DNAH17: variants seen among roughly 807,000 people sequenced by gnomAD.
DNAH17 encodes the protein dynein axonemal heavy chain 17, also known as axonemal beta dynein heavy chain 17.
A neutral mutation model predicts 485.6 loss-of-function variants in DNAH17; 376 were observed. The observed-to-expected ratio is 0.77, with a 90% CI of 0.71 to 0.84. The LOEUF (loss-of-function observed/expected upper bound fraction) is 0.84. Among genes scored for constraint, DNAH17 ranks in the 40% least tolerant of loss-of-function variants. The pLI is 0.00. For missense variants in DNAH17, 6,370 were observed against 5,839.3 expected (o/e 1.09, Z -2.96); for synonymous variants, 3,031 against 2,405.9 (o/e 1.26, Z -7.60).
chr17:78,544,099 C>T, intron 16 of DNAH17, 102 bp from the exon 17 acceptor site: 1 of 1,525,286 alleles, frequency 6.6e-7, no homozygotes, highest in Admixed American at 1.8e-5. Context: ...TCACTGCTGC[C>T]TGATCTTGGA....
Position 78,569,375 on chromosome 17 carries a change from C to T in DNAH17, c.1197G>A (p.Lys399=). 6.2e-7 allele frequency: 1 copy of T among 1,612,918 alleles called. No homozygotes were observed. The highest frequency in any genetic ancestry group is 8.5e-7 in the Non-Finnish European group (1 of 1,179,412). Residue 399 remains lysine, a splice_region_variant and synonymous_variant, in exon 8 of 81, where the codon AAG becomes AAA. Coordinates refer to ENST00000389840, the MANE Select transcript of DNAH17 (RefSeq NM_173628.4). ...FCCVNMKLFF[K]DKEPVPWEFP... Reference sequence around the variant, plus strand: ...CCCTCGCCCTGCGAGGAAGGGGTACCTTAAAGAAAAGCTTCATGTTCACGC... The same window carrying T: ...CCCTCGCCCTGCGAGGAAGGGGTACTTTAAAGAAAAGCTTCATGTTCACGC...
intron 48 of DNAH17, among the ~76,000 whole-genome samples, chr17:78,482,865 C>A (rs571340528): frequency 3.3e-5 from 5 of 152,304 alleles, no homozygotes; most frequent in African/African-American, 1.2e-4. Flanking sequence ...AACTCCAGGG[C>A]AGATGTGGAC....
chr17:78,522,758 G>A (rs1011337890), intron 25 of DNAH17: 8 of 220,872 alleles, frequency 3.6e-5, no homozygotes, highest in South Asian at 2.5e-4. Flanking sequence ...CAATAATGCC[G>A]AAAAAGTGGT....
In DNAH17 at chr17:78,437,603, A is replaced by G. The variant is rs2289757; in HGVS notation, c.12033+38T>C. ...CAAGGGATGGATGCCAGGCCGTGGC[A>G]TGGGATGGGGAGGCAGCCCGAGCAG... On this transcript the variant is annotated intron_variant, in intron 74 of 80. Transcript: ENST00000389840. 1,111,905 of 1,530,334 alleles carry G rather than the reference A, an allele frequency of 0.73. 409,754 individuals carry two copies. Among genetic ancestry groups the G allele is most frequent in the East Asian group, 0.9 (38,738 of 43,066 alleles). The allele number at this position is 1,530,334 out of a possible 1,614,324, so 94.8% of individuals were successfully genotyped here.
Position 78,459,069 on chromosome 17 carries a change from G to A in DNAH17, c.9793C>T (p.Leu3265=). ...GCCAGCTCTGCATTAGCCTCCTCCA[G>A]TGCCTGCCTCTTGGGCGCCACGTCG... ...YCDVAPKRQA[L]EEANAELAEA... The change falls in exon 61 of 81, where the codon CTG becomes TTG. Residue 3265 remains leucine (L), a synonymous_variant. Coordinates refer to ENST00000389840, the MANE Select transcript of DNAH17 (RefSeq NM_173628.4). 2.5e-6 allele frequency: 4 copies of A among 1,614,022 alleles called. No individual in the cohort carries two copies. The highest frequency in any genetic ancestry group is 3.4e-6 in the Non-Finnish European group (4 of 1,179,902).
At chr17:78,567,347 TC>T (rs2092284255) in intron 9 of DNAH17, among the ~76,000 whole-genome samples, 181 bp from the exon 10 acceptor site, 1 of 151,780 alleles carries the variant, frequency 6.6e-6, no homozygotes, top group Non-Finnish European at 1.5e-5. Flanking sequence ...AAATATTCCA[TC>T]CCCTGCAGAA....
chr17:78,445,950 T>A (rs559182282), intron 69 of DNAH17, among the ~76,000 whole-genome samples: 1 of 129,254 alleles, frequency 7.7e-6, no homozygotes, highest in Non-Finnish European at 1.8e-5. Context: ...AGGGGGTGGA[T>A]CACTTGAGCT....
chr17:78,555,541 C>CATAAA (rs1162901414), intron 14 of DNAH17, among the ~76,000 whole-genome samples: 4 of 7,126 alleles, frequency 5.6e-4, no homozygotes, highest in Non-Finnish European at 1.0e-3. Flanking sequence ...AAGATTCCGT[C>CATAAA]ACAAAAAAAA....
At chr17:78,484,622 G>A (rs1447225243) in intron 48 of DNAH17, among the ~76,000 whole-genome samples, 4 of 152,128 alleles carry the variant, frequency 2.6e-5, no homozygotes, top group Non-Finnish European at 1.5e-5. Context: ...TTTGTGAAAT[G>A]GGTGATGGAC....
Position 78,450,292 on chromosome 17 carries a change from G to C in DNAH17, c.11002C>G (p.Leu3668Val). Reference sequence around the variant, plus strand: ...TGGTAGACGGGGTTGATTTTGTTGAGATCGTTCAGTATGAAGTAGAGCAGA... The same window carrying C: ...TGGTAGACGGGGTTGATTTTGTTGACATCGTTCAGTATGAAGTAGAGCAGA... ...ASLLYFILND[L>V]NKINPVYQFS... The change falls in exon 68 of 81, where the codon CTC (leucine) becomes GTC (valine). Residue 3668 changes from leucine (L) to valine (V), a missense_variant. Coordinates refer to ENST00000389840, the MANE Select transcript of DNAH17 (RefSeq NM_173628.4). 6.2e-7 allele frequency: 1 copy of C among 1,613,998 alleles called. No individual in the cohort carries two copies. The highest frequency in any genetic ancestry group is 8.5e-7 in the Non-Finnish European group (1 of 1,179,890).
In DNAH17 at chr17:78,437,873, A is replaced by G. The variant is rs368277296; in HGVS notation, c.11806-5T>C. 2,651 of 1,603,284 alleles carry G rather than the reference A, an allele frequency of 1.7e-3. 10 individuals carry two copies. Among genetic ancestry groups the G allele is most frequent in the Non-Finnish European group, 1.5e-3 (1,773 of 1,173,612 alleles). On this transcript the variant is annotated splice_region_variant and splice_polypyrimidine_tract_variant and intron_variant, in intron 73 of 80. Transcript: ENST00000389840. The stretch of plus-strand genomic sequence containing the variant: ...CCGGGCCACCAGGTGGATATTCTGC[A>G]GCCAAGACTAGAGGCTGGTTACACA...
chr17:78,445,656 T>C lies in DNAH17; in HGVS notation c.11236A>G (p.Asn3746Asp). ...AGGAGGAAATCCAGCTCCACTGGGT[T>C]CAGCTCCTTCTTCATGGACAGGACC... The part of the protein sequence containing the change: ...FQVLSMKKEL[N>D]PVELDFLLRF... The change falls in exon 70 of 81, where the codon AAC becomes GAC. Residue 3746 changes from asparagine (N) to aspartate (D), a missense_variant. Asn to Asp is a conservative substitution (Grantham distance 23). Coordinates refer to ENST00000389840, the MANE Select transcript of DNAH17 (RefSeq NM_173628.4). The C allele has an allele frequency of 1.9e-6, 3 of 1,580,676 alleles. No homozygotes were observed. The highest frequency in any genetic ancestry group is 2.6e-6 in the Non-Finnish European group (3 of 1,163,428).
At chr17:78,572,671 C>G (rs755334988) in intron 3 of DNAH17, 30 bp downstream of exon 3, 1 of 1,556,540 alleles carries the variant, frequency 6.4e-7, no homozygotes, top group East Asian at 2.4e-5. Flanking sequence ...CCCCACCCAG[C>G]GGCAGCCGGA....
chr17:78,450,943 G>A, intron 66 of DNAH17, 97 bp from the exon 67 acceptor site: 3 of 1,473,568 alleles, frequency 2.0e-6, no homozygotes, highest in Non-Finnish European at 1.9e-6. Context: ...CCAAGGCCCA[G>A]GCTTTGAGCG....
intron 25 of DNAH17, among the ~76,000 whole-genome samples, chr17:78,524,466 G>A (rs1373353303): frequency 6.6e-6 from 1 of 152,068 alleles, no homozygotes; most frequent in East Asian, 1.9e-4. Flanking sequence ...AAGGGACCCT[G>A]GAGCGATTTC....
intron 14 of DNAH17, among the ~76,000 whole-genome samples, chr17:78,556,115 ATCTG>A (rs2092016678): frequency 6.6e-6 from 1 of 151,992 alleles, no homozygotes; most frequent in Non-Finnish European, 1.5e-5. Flanking sequence ...CCATCCATCC[ATCTG>A]TATCTATCCC....
Position 78,450,841 on chromosome 17 carries a change from G to C in DNAH17, c.10740C>G (p.Asn3580Lys), listed in dbSNP as rs1323863808. ...TAAATTCGTTTTGAGACTTGGTGAG[G>C]TTTGCCTGCAAGGGGAGGTGCAGGA... Reference protein sequence around the residue: ...ERPDLEQLKANLTKSQNEFKI... With the variant: ...ERPDLEQLKAKLTKSQNEFKI... The change falls in exon 67 of 81, where the codon AAC becomes AAG. Residue 3580 changes from asparagine to lysine, a missense_variant. Asn to Lys is a moderately conservative substitution (Grantham distance 94). Coordinates refer to ENST00000389840, the MANE Select transcript of DNAH17 (RefSeq NM_173628.4). 1 of 1,613,930 alleles carries C rather than the reference G, an allele frequency of 6.2e-7. No homozygotes were observed. The highest frequency in any genetic ancestry group is 1.1e-5 in the South Asian group (1 of 91,086).
At chr17:78,538,667 C>A (rs8071221) in intron 18 of DNAH17, among the ~76,000 whole-genome samples, 116,369 of 152,048 alleles carry the variant, frequency 0.77, 44,602 homozygotes, top group African/African-American at 0.78. Context: ...TGAGGAGAAC[C>A]CTTTGTTACT....
At chr17:78,517,598 C>T (rs532000075) in intron 25 of DNAH17, among the ~76,000 whole-genome samples, 27 of 152,316 alleles carry the variant, frequency 1.8e-4, no homozygotes, top group Non-Finnish European at 2.8e-4. Flanking sequence ...AGACTGCCCT[C>T]GTTTGGCAAA....
Sources: allele counts gnomAD v4.1 joint callset (sites outside exome capture counted in the v4.1 genomes callset), GRCh38; gene constraint gnomAD v4.1.1; transcripts MANE v1.5; gene names NCBI Gene and HGNC (gene_info 2026-07-23, HGNC 2026-07-21).